Variants in ORC2 observed in about 807,000 individuals in gnomAD.
The protein encoded by ORC2 is origin recognition complex protein 2 homolog.
Under a neutral mutation model 77.7 loss-of-function variants are expected in ORC2, and 37 were observed. That is an observed-to-expected ratio of 0.48 (90% CI 0.37 to 0.63). The LOEUF is 0.63. ORC2 is among the 20% of genes least tolerant of loss of function. ORC2 has a pLI of 0.00. For missense variants in ORC2, 557 were observed against 661.9 expected (o/e 0.84, Z 1.74); for synonymous variants, 201 against 229.5 (o/e 0.88, Z 1.12).
At chr2:200,927,549 G>A (rs908366525) in intron 11 of ORC2, among the ~76,000 whole-genome samples, 8 of 150,714 alleles carry the variant, frequency 5.3e-5, no homozygotes, top group Non-Finnish European at 1.2e-4. Context: ...AATTAGCTGG[G>A]TGCAGTGGCG....
intron 17 of ORC2, among the ~76,000 whole-genome samples, chr2:200,912,633 T>G (rs2040571679): frequency 6.6e-6 from 1 of 151,970 alleles, no homozygotes; most frequent in African/African-American, 2.4e-5. Context: ...GTTGCCAGGC[T>G]GGTCTCGAAC....
chr2:200,926,530 T>A (rs189762791), intron 12 of ORC2, among the ~76,000 whole-genome samples: 10 of 152,206 alleles, frequency 6.6e-5, no homozygotes, highest in Non-Finnish European at 1.0e-4. Flanking sequence ...TGATACTCAG[T>A]ATAGTAAACA....
chr2:200,952,998 G>A (rs2041391218), intron 4 of ORC2, among the ~76,000 whole-genome samples: 1 of 151,208 alleles, frequency 6.6e-6, no homozygotes, highest in African/African-American at 2.4e-5. Context: ...TGTAGTTGCA[G>A]CTACTCAGGA....
chr2:200,932,334 CTTTTTTTTTTTT>C (rs869076427), intron 10 of ORC2, among the ~76,000 whole-genome samples: 2 of 120,166 alleles, frequency 1.7e-5, no homozygotes, highest in Non-Finnish European at 3.4e-5. Flanking sequence ...TCATTTCAAA[CTTTTTTTTTTTT>C]TTTTTTTTTT....
intron 5 of ORC2, among the ~76,000 whole-genome samples, chr2:200,949,222 CAG>C (rs1481186542): frequency 6.8e-6 from 1 of 147,744 alleles, no homozygotes; most frequent in Admixed American, 6.8e-5. Context: ...GCTTGGGCAA[CAG>C]AGTGAGACTC....
intron 13 of ORC2, among the ~76,000 whole-genome samples, chr2:200,924,393 T>C (rs2040809337): frequency 6.6e-6 from 1 of 150,810 alleles, no homozygotes; most frequent in Non-Finnish European, 1.5e-5. Context: ...GTGGATAAAA[T>C]GGGTGTAGGA....
chr2:200,919,388 T>C (rs987379968), intron 15 of ORC2, among the ~76,000 whole-genome samples: 2 of 152,176 alleles, frequency 1.3e-5, no homozygotes, highest in African/African-American at 4.8e-5. Flanking sequence ...GAGACAGAGA[T>C]TGCTCTGTCA....
chr2:200,941,992 A>C (rs562236835), intron 6 of ORC2, among the ~76,000 whole-genome samples: 2 of 149,970 alleles, frequency 1.3e-5, no homozygotes, highest in East Asian at 3.9e-4. Flanking sequence ...GAAAAGCGAG[A>C]CTCCTTCTCA....
intron 13 of ORC2, among the ~76,000 whole-genome samples, chr2:200,924,596 C>T (rs2040813161): frequency 6.6e-6 from 1 of 152,098 alleles, no homozygotes; most frequent in South Asian, 2.1e-4. Context: ...TTAATTTAGT[C>T]ATTACTAAAT....
At chr2:200,947,947 C>T (rs926147851) in intron 5 of ORC2, among the ~76,000 whole-genome samples, 15 of 151,494 alleles carry the variant, frequency 9.9e-5, no homozygotes, top group African/African-American at 3.4e-4. Context: ...CTCGCTCTGT[C>T]GCCCAGGCTG....
At position 200,910,332 on chromosome 2, in the gene ORC2, G is replaced by T. The variant is rs2040529220; in HGVS notation, c.*969C>A. On this transcript the variant is annotated 3_prime_UTR_variant, in exon 18 of 18. Transcript: ENST00000234296. ...AAAGTCTCGCGCAAATATTCAGGAGGTTTGAAATCATCACTTTAAGGAAAA... is the reference window on the plus strand; with the variant it reads ...AAAGTCTCGCGCAAATATTCAGGAGTTTTGAAATCATCACTTTAAGGAAAA... The T allele has an allele frequency of 6.6e-6, 1 of 152,048 alleles. No homozygotes were observed. The highest frequency in any genetic ancestry group is 1.5e-5 in the Non-Finnish European group (1 of 68,016). 9.4% of individuals were successfully genotyped at this position (152,048 alleles called of 1,614,324 possible).
At chr2:200,938,385 G>C (rs2041085957) in intron 7 of ORC2, among the ~76,000 whole-genome samples, 2 of 152,150 alleles carry the variant, frequency 1.3e-5, no homozygotes, top group African/African-American at 4.8e-5. Flanking sequence ...GTATGAAAGG[G>C]AACGGGCACC....
chr2:200,914,118 A>C, intron 15 of ORC2, 126 bp from the exon 16 acceptor site: 1 of 604,908 alleles, frequency 1.7e-6, no homozygotes, highest in Non-Finnish European at 2.9e-6. Flanking sequence ...CTGTTCCTCC[A>C]AGGAATATCA....
At chr2:200,927,350 C>T (rs2040857590) in intron 11 of ORC2, among the ~76,000 whole-genome samples, 2 of 151,810 alleles carry the variant, frequency 1.3e-5, no homozygotes, top group Non-Finnish European at 2.9e-5. Flanking sequence ...CCCAAAATTG[C>T]TGGGACTACA....
intron 8 of ORC2, among the ~76,000 whole-genome samples, 155 bp from the exon 9 acceptor site, chr2:200,936,047 T>C (rs1294490752): frequency 1.3e-5 from 2 of 152,236 alleles, no homozygotes; most frequent in South Asian, 2.1e-4. Context: ...TAACAAATTC[T>C]CTCAGCACCA....
At chr2:200,956,067 C>CT (rs1012370946) in intron 4 of ORC2, among the ~76,000 whole-genome samples, 2 of 151,912 alleles carry the variant, frequency 1.3e-5, no homozygotes, top group Non-Finnish European at 2.9e-5. Flanking sequence ...ATATAAATAT[C>CT]TTTTTTTTGT....
intron 4 of ORC2, among the ~76,000 whole-genome samples, chr2:200,951,128 C>CT (rs1318175676): frequency 2.0e-5 from 3 of 152,260 alleles, no homozygotes; most frequent in Admixed American, 2.0e-4. Context: ...AGTATGTAGC[C>CT]TTTTCAGATT....
intron 12 of ORC2, 93 bp downstream of exon 12, chr2:200,926,675 A>C: frequency 7.5e-7 from 1 of 1,333,590 alleles, no homozygotes; most frequent in Non-Finnish European, 1.1e-6. Flanking sequence ...GAAGGCTAAA[A>C]CAAAAATTCT....
chr2:200,938,446 T>TAA (rs1005154243), intron 7 of ORC2, among the ~76,000 whole-genome samples: 5 of 152,238 alleles, frequency 3.3e-5, no homozygotes, highest in African/African-American at 1.2e-4. Context: ...TTACTGGTGT[T>TAA]AAAGTATTAC....
Sources: allele counts gnomAD v4.1 joint callset (sites outside exome capture counted in the v4.1 genomes callset), GRCh38; gene constraint gnomAD v4.1.1; transcripts MANE v1.5; gene names NCBI Gene and HGNC (gene_info 2026-07-23, HGNC 2026-07-21).